Variants in MCEMP1 observed in about 807,000 individuals in gnomAD.
MCEMP1 encodes mast cell-expressed membrane protein 1.
In MCEMP1, 17 loss-of-function variants were observed where a neutral mutation model predicts 27.9. That is an observed-to-expected ratio of 0.61 (90% CI 0.42 to 0.91). The LOEUF is 0.91. MCEMP1 is among the 40% of genes least tolerant of loss of function. MCEMP1 has a pLI of 0.00. For synonymous variants in MCEMP1, 88 were observed against 76.9 expected, an observed-to-expected ratio of 1.14 and a Z score of -0.76; for missense variants, 200 against 204.8, an observed-to-expected ratio of 0.98 and a Z score of 0.14.
Position 7,677,459 on chromosome 19 carries a change from G to A in MCEMP1, c.56-178G>A, listed in dbSNP as rs8107661. Among the ~76,000 whole-genome samples the A allele has an allele frequency of 0.5, 75,535 of 150,880 alleles. 19,926 individuals are homozygous for A. The highest frequency in any genetic ancestry group is 0.7 in the Middle Eastern group (207 of 294). ...TGGATGTGTGTGTGGATGTGTGTGT[G>A]GTGTGATCACTCAAACTCTCACACA... On this transcript the variant is annotated intron_variant, in intron 1 of 6. Transcript: ENST00000333598. This position sits in a 1 kb window ranked among gnomAD's most constrained non-coding sequence, Gnocchi z 4.6.
Position 7,679,195 on chromosome 19 carries a change from C to G in MCEMP1, c.*81C>G, listed in dbSNP as rs868002202. 1.2e-3 allele frequency: 1,686 copies of G among 1,424,284 alleles called. 21 individuals carry two copies. In the African/African-American group the frequency reaches 0.022, roughly 19 times the overall value. The allele number at this position is 1,424,284 out of a possible 1,614,324, so 88.2% of individuals were successfully genotyped here. A position where few individuals can be genotyped will look rare whatever the true frequency, so the allele number is the denominator to read the frequency against. On this transcript the variant is annotated 3_prime_UTR_variant, in exon 7 of 7. Coordinates refer to ENST00000333598, the MANE Select transcript of MCEMP1 (RefSeq NM_174918.3). This position sits in a 1 kb window ranked among gnomAD's most constrained non-coding sequence, Gnocchi z 4.9. ...CCAACGAAGACGGGAAATGACCCCCCCCCCCCAGCCTAGTGTGAACCTGCC... is the reference window on the plus strand; with the variant it reads ...CCAACGAAGACGGGAAATGACCCCCGCCCCCCAGCCTAGTGTGAACCTGCC...
At position 7,677,156 on chromosome 19, in the gene MCEMP1, G is replaced by C. The variant is rs576910434; in HGVS notation, c.36G>C (p.Gly12=). 5.6e-6 allele frequency: 9 copies of C among 1,594,106 alleles called. No homozygotes were observed. The highest frequency in any genetic ancestry group is 2.3e-5 in the East Asian group (1 of 43,704). ...CAGCCTTCAGGGACAAGAAACAGGG[G>C]GTCTCAGCCAAGAATCAAGGTTAGG... ...QAPAFRDKKQ[G]VSAKNQGAHD... Residue 12 remains glycine (G), a synonymous_variant, in exon 1 of 7, where the codon GGG becomes GGC. Transcript: ENST00000333598. This position sits in a 1 kb window ranked among gnomAD's most constrained non-coding sequence, Gnocchi z 4.6.
chr19:7,678,057 T>C lies in MCEMP1; in HGVS notation c.146-47T>C. 6.5e-7 allele frequency: 1 copy of C among 1,544,648 alleles called. No individual in the cohort carries two copies. The highest frequency in any genetic ancestry group is 8.7e-7 in the Non-Finnish European group (1 of 1,148,978). ...TTAGAGACAGTGAGGATGGTTTGAG[T>C]GGTGGTGCTGGCCCCTCAAGGTCAC... On this transcript the variant is annotated intron_variant, in intron 2 of 6. Transcript: ENST00000333598. This position sits in a 1 kb window ranked among gnomAD's most constrained non-coding sequence, Gnocchi z 4.8.
chr19:7,677,881 AC>A lies in MCEMP1; in HGVS notation c.145+156del. On this transcript the variant is annotated intron_variant, in intron 2 of 6. Transcript: ENST00000333598. The surrounding 1 kb of genome is among the most constrained non-coding windows in gnomAD (Gnocchi z 4.6). ...GTGCTAATGAGGTCTGTTGATGATG[AC>A]AATGTTGGGGAATGCTGGAGAGGGG... is the stretch of plus-strand genomic sequence containing the variant. 9.8e-7 allele frequency: 1 copy of A among 1,023,762 alleles called. No individual in the cohort carries two copies. The highest frequency in any genetic ancestry group is 1.5e-6 in the Non-Finnish European group (1 of 688,534). 63.4% of individuals were successfully genotyped at this position (1,023,762 alleles called of 1,614,324 possible).
At position 7,677,203 on chromosome 19, in the gene MCEMP1, G is replaced by C; in HGVS notation, c.55+28G>C. 1 of 1,550,758 alleles carries C rather than the reference G, an allele frequency of 6.4e-7. No homozygotes were observed. The highest frequency in any genetic ancestry group is 8.8e-7 in the Non-Finnish European group (1 of 1,142,736). On this transcript the variant is annotated intron_variant, in intron 1 of 6. Transcript: ENST00000333598. The surrounding 1 kb of genome is among the most constrained non-coding windows in gnomAD (Gnocchi z 4.6). Reference sequence around the variant, plus strand: ...TAGGGAACTCGAGGTGGAAGGGAGGGGTTAAGAAGGAGAGATTGGGGGGCC... The same window carrying C: ...TAGGGAACTCGAGGTGGAAGGGAGGCGTTAAGAAGGAGAGATTGGGGGGCC...
In MCEMP1 at chr19:7,679,375, G is replaced by T. The variant is rs1042762707; in HGVS notation, c.*261G>T. 2 of 498,950 alleles carry T rather than the reference G, an allele frequency of 4.0e-6. No individual in the cohort carries two copies. Among genetic ancestry groups the T allele is most frequent in the Non-Finnish European group, 3.5e-6 (1 of 283,596 alleles). The allele number at this position is 498,950 out of a possible 1,614,324, so 30.9% of individuals were successfully genotyped here. On this transcript the variant is annotated 3_prime_UTR_variant, in exon 7 of 7. Coordinates refer to ENST00000333598, the MANE Select transcript of MCEMP1 (RefSeq NM_174918.3). This position sits in a 1 kb window ranked among gnomAD's most constrained non-coding sequence, Gnocchi z 4.9. ...GCGCGTGTGTGTGCATTTTGCAAAGGGTGGACATTTCAGTGTATCTCCCAG... is the reference window on the plus strand; with the variant it reads ...GCGCGTGTGTGTGCATTTTGCAAAGTGTGGACATTTCAGTGTATCTCCCAG...
rs1435192337 is a variant in MCEMP1 at position 7,679,009 on chromosome 19, G to A, written c.508+26G>A. The A allele has an allele frequency of 1.6e-5, 26 of 1,599,648 alleles. No homozygotes were observed. The highest frequency in any genetic ancestry group is 3.3e-4 in the Middle Eastern group (2 of 5,994). ...GTAAGTTGGCGCCCCGACAGGAGGT[G>A]GAGGAGGGTGGGTGGGGCTTCAGAT... On this transcript the variant is annotated intron_variant, in intron 6 of 6. Coordinates refer to ENST00000333598, the MANE Select transcript of MCEMP1 (RefSeq NM_174918.3). This position sits in a 1 kb window ranked among gnomAD's most constrained non-coding sequence, Gnocchi z 4.9.
In MCEMP1 at chr19:7,677,795, G is replaced by A. The variant is rs2032569962; in HGVS notation, c.145+69G>A. 4 of 1,400,996 alleles carry A rather than the reference G, an allele frequency of 2.9e-6. No individual in the cohort carries two copies. Among genetic ancestry groups the A allele is most frequent in the Admixed American group, 2.3e-5 (1 of 42,624 alleles). 86.8% of individuals were successfully genotyped at this position (1,400,996 alleles called of 1,614,324 possible). ...GGGCAGGTGGGCGGGCAACTGCAGGGCCCCCGGGGCTGCGTGGAAGGGAGG... is the reference window on the plus strand; with the variant it reads ...GGGCAGGTGGGCGGGCAACTGCAGGACCCCCGGGGCTGCGTGGAAGGGAGG... On this transcript the variant is annotated intron_variant, in intron 2 of 6. Coordinates refer to ENST00000333598, the MANE Select transcript of MCEMP1 (RefSeq NM_174918.3). The surrounding 1 kb of genome is among the most constrained non-coding windows in gnomAD (Gnocchi z 4.6).
Position 7,678,117 on chromosome 19 carries a change from C to T in MCEMP1, c.159C>T (p.Cys53=). ...SRPTSQVPAQ[C]RPPSDSTQVP... Reference sequence around the variant, plus strand: ...TCTTTGCTCCAGTCCCAGCCCAGTGCAGGCCGCCCTCAGACTCCACCCAGG... The same window carrying T: ...TCTTTGCTCCAGTCCCAGCCCAGTGTAGGCCGCCCTCAGACTCCACCCAGG... Residue 53 remains cysteine, a synonymous_variant, in exon 3 of 7, where the codon TGC becomes TGT. Coordinates refer to ENST00000333598, the MANE Select transcript of MCEMP1 (RefSeq NM_174918.3). This position sits in a 1 kb window ranked among gnomAD's most constrained non-coding sequence, Gnocchi z 4.8. The T allele has an allele frequency of 1.2e-6, 2 of 1,606,618 alleles. No individual in the cohort carries two copies. The highest frequency in any genetic ancestry group is 1.7e-6 in the Non-Finnish European group (2 of 1,176,742).
At position 7,679,297 on chromosome 19, in the gene MCEMP1, C is replaced by T. The variant is rs117726621; in HGVS notation, c.*183C>T. 0.017 allele frequency: 12,540 copies of T among 722,138 alleles called. 170 individuals are homozygous for T. The highest frequency in any genetic ancestry group is 0.023 in the Non-Finnish European group (10,198 of 442,402). The allele number at this position is 722,138 out of a possible 1,614,324, so 44.7% of individuals were successfully genotyped here. A position where few individuals can be genotyped will look rare whatever the true frequency, so the allele number is the denominator to read the frequency against. ...AGTTGCTCGTGTGTGTGTACACCTGCGTGCGTGTGTGTGCGTGTGTGCGCG... is the reference window on the plus strand; with the variant it reads ...AGTTGCTCGTGTGTGTGTACACCTGTGTGCGTGTGTGTGCGTGTGTGCGCG... On this transcript the variant is annotated 3_prime_UTR_variant, in exon 7 of 7. Coordinates refer to ENST00000333598, the MANE Select transcript of MCEMP1 (RefSeq NM_174918.3). This position sits in a 1 kb window ranked among gnomAD's most constrained non-coding sequence, Gnocchi z 4.9.
At position 7,678,486 on chromosome 19, in the gene MCEMP1, C is replaced by T. The variant is rs1404022314; in HGVS notation, c.335-5C>T. The T allele has an allele frequency of 3.1e-6, 5 of 1,613,978 alleles. No individual in the cohort carries two copies. Among genetic ancestry groups the T allele is most frequent in the Admixed American group, 1.7e-5 (1 of 60,012 alleles). Reference sequence around the variant, plus strand: ...TGCACAGACACCCCTGTTTCATGCCCTCAGTCTCAAACTCCGTACAAGCAT... The same window carrying T: ...TGCACAGACACCCCTGTTTCATGCCTTCAGTCTCAAACTCCGTACAAGCAT... On this transcript the variant is annotated splice_polypyrimidine_tract_variant and splice_region_variant and intron_variant, in intron 4 of 6. Coordinates refer to ENST00000333598, the MANE Select transcript of MCEMP1 (RefSeq NM_174918.3). This position sits in a 1 kb window ranked among gnomAD's most constrained non-coding sequence, Gnocchi z 4.8.
chr19:7,678,671 A>G lies in MCEMP1; in HGVS notation c.448+67A>G. 2 of 1,448,590 alleles carry G rather than the reference A, an allele frequency of 1.4e-6. No individual in the cohort carries two copies. Among genetic ancestry groups the G allele is most frequent in the Non-Finnish European group, 1.9e-6 (2 of 1,040,484 alleles). 89.7% of individuals were successfully genotyped at this position (1,448,590 alleles called of 1,614,324 possible). On this transcript the variant is annotated intron_variant, in intron 5 of 6. Transcript: ENST00000333598. The surrounding 1 kb of genome is among the most constrained non-coding windows in gnomAD (Gnocchi z 4.8). ...CAATGCCCGGAGCTGAGCTGGGGGCAGGGGATTCAGGGGAGGAGAAAGCCG... is the reference window on the plus strand; with the variant it reads ...CAATGCCCGGAGCTGAGCTGGGGGCGGGGGATTCAGGGGAGGAGAAAGCCG...
chr19:7,679,201 C>CA lies in MCEMP1; in HGVS notation c.*88dup, dbSNP rs2032593002. The CA allele has an allele frequency of 9.9e-7, 1 of 1,013,988 alleles. No individual in the cohort carries two copies. Among genetic ancestry groups the CA allele is most frequent in the East Asian group, 3.2e-5 (1 of 30,824 alleles). The allele number at this position is 1,013,988 out of a possible 1,614,324, so 62.8% of individuals were successfully genotyped here. A position where few individuals can be genotyped will look rare whatever the true frequency, so the allele number is the denominator to read the frequency against. ...AAGACGGGAAATGACCCCCCCCCCC[C>CA]AGCCTAGTGTGAACCTGCCCCTCGT... is the stretch of plus-strand genomic sequence containing the variant. On this transcript the variant is annotated 3_prime_UTR_variant, in exon 7 of 7. Coordinates refer to ENST00000333598, the MANE Select transcript of MCEMP1 (RefSeq NM_174918.3). The surrounding 1 kb of genome is among the most constrained non-coding windows in gnomAD (Gnocchi z 4.9).
At position 7,678,194 on chromosome 19, in the gene MCEMP1, T is replaced by C. The variant is rs2032574265; in HGVS notation, c.236T>C (p.Leu79Pro). ...CTGAGCCTGTACATCCTCCTGGCCC[T>C]GGCCTTTGTCCTCTGCATCATCCTG... is the stretch of plus-strand genomic sequence containing the variant. Reference protein sequence around the residue: ...AILSLYILLALAFVLCIILSA... With the variant: ...AILSLYILLAPAFVLCIILSA... Residue 79 changes from leucine (L) to proline (P), a missense_variant, in exon 3 of 7, where the codon CTG becomes CCG. Leu to Pro is a moderately conservative substitution (Grantham distance 98). Coordinates refer to ENST00000333598, the MANE Select transcript of MCEMP1 (RefSeq NM_174918.3). The surrounding 1 kb of genome is among the most constrained non-coding windows in gnomAD (Gnocchi z 4.8). The C allele has an allele frequency of 6.2e-7, 1 of 1,614,126 alleles. No homozygotes were observed.
chr19:7,677,848 C>A lies in MCEMP1; in HGVS notation c.145+122C>A. The stretch of plus-strand genomic sequence containing the variant: ...GCGATGGGGAAGGAAGAGGTGACAG[C>A]TGTTGACGTGCTAATGAGGTCTGTT... On this transcript the variant is annotated intron_variant, in intron 2 of 6. Transcript: ENST00000333598. This position sits in a 1 kb window ranked among gnomAD's most constrained non-coding sequence, Gnocchi z 4.6. 1 of 1,098,732 alleles carries A rather than the reference C, an allele frequency of 9.1e-7. No individual in the cohort carries two copies. Among genetic ancestry groups the A allele is most frequent in the Non-Finnish European group, 1.3e-6 (1 of 761,084 alleles). The allele number at this position is 1,098,732 out of a possible 1,614,324, so 68.1% of individuals were successfully genotyped here. A position where few individuals can be genotyped will look rare whatever the true frequency, so the allele number is the denominator to read the frequency against.
chr19:7,678,747 A>C lies in MCEMP1; in HGVS notation c.448+143A>C. On this transcript the variant is annotated intron_variant, in intron 5 of 6. Transcript: ENST00000333598. The surrounding 1 kb of genome is among the most constrained non-coding windows in gnomAD (Gnocchi z 4.8). ...TTGTGGAGGGGCGATGGGTGTTACC[A>C]TCTGGGTTGCTCTGTGGGTATTGAA... 2.8e-6 allele frequency: 3 copies of C among 1,084,432 alleles called. No homozygotes were observed. The highest frequency in any genetic ancestry group is 4.1e-6 in the Non-Finnish European group (3 of 738,300). 67.2% of individuals were successfully genotyped at this position (1,084,432 alleles called of 1,614,324 possible).
Position 7,678,475 on chromosome 19 carries a change from T to C in MCEMP1, c.335-16T>C. 1.2e-6 allele frequency: 2 copies of C among 1,613,764 alleles called. No individual in the cohort carries two copies. The highest frequency in any genetic ancestry group is 1.7e-6 in the Non-Finnish European group (2 of 1,179,702). ...AGAGGGATGGATGCACAGACACCCC[T>C]GTTTCATGCCCTCAGTCTCAAACTC... is the stretch of plus-strand genomic sequence containing the variant. On this transcript the variant is annotated splice_polypyrimidine_tract_variant and intron_variant, in intron 4 of 6. Coordinates refer to ENST00000333598, the MANE Select transcript of MCEMP1 (RefSeq NM_174918.3). This position sits in a 1 kb window ranked among gnomAD's most constrained non-coding sequence, Gnocchi z 4.8.
rs771400396 is a variant in MCEMP1 at position 7,678,488 on chromosome 19, C to T, written c.335-3C>T. ...CACAGACACCCCTGTTTCATGCCCT[C>T]AGTCTCAAACTCCGTACAAGCATGC... is the stretch of plus-strand genomic sequence containing the variant. On this transcript the variant is annotated splice_polypyrimidine_tract_variant and splice_region_variant and intron_variant, in intron 4 of 6. Transcript: ENST00000333598. The surrounding 1 kb of genome is among the most constrained non-coding windows in gnomAD (Gnocchi z 4.8). 5.6e-6 allele frequency: 9 copies of T among 1,613,882 alleles called. No individual in the cohort carries two copies. The highest frequency in any genetic ancestry group is 6.8e-6 in the Non-Finnish European group (8 of 1,179,922).
Position 7,678,093 on chromosome 19 carries a change from C to G in MCEMP1, c.146-11C>G. 1 of 1,583,704 alleles carries G rather than the reference C, an allele frequency of 6.3e-7. No homozygotes were observed. The highest frequency in any genetic ancestry group is 8.6e-7 in the Non-Finnish European group (1 of 1,167,352). ...GCCCCTCAAGGTCACTTTGCTGCCT[C>G]TTTGCTCCAGTCCCAGCCCAGTGCA... On this transcript the variant is annotated splice_polypyrimidine_tract_variant and intron_variant, in intron 2 of 6. Transcript: ENST00000333598. The surrounding 1 kb of genome is among the most constrained non-coding windows in gnomAD (Gnocchi z 4.8).
Sources: gnomAD v4.1 joint callset for allele counts (sites outside exome capture counted in the v4.1 genomes callset) on GRCh38, gnomAD v4.1.1 for gene constraint, Gnocchi (gnomAD v3.1) non-coding constraint, MANE v1.5 for transcripts, NCBI Gene and HGNC (gene_info 2026-07-23, HGNC 2026-07-21) for gene names.